The following ZC3H3 variants were observed in gnomAD, a reference collection of about 807,000 sequenced individuals.
The protein encoded by ZC3H3 is zinc finger CCCH-type containing 3, also known as zinc finger CCCH domain-containing protein 3.
In ZC3H3, 36 loss-of-function variants were observed where a neutral mutation model predicts 77.3. That is an observed-to-expected ratio of 0.47 (90% CI 0.36 to 0.61). The LOEUF is 0.61. ZC3H3 is among the 20% of genes least tolerant of loss of function. The pLI is 0.00. For synonymous variants in ZC3H3, 626 were observed against 555.2 expected (o/e 1.13, Z -1.79); for missense variants, 1,331 against 1,312.2 (o/e 1.01, Z -0.22).
In ZC3H3 at chr8:143,440,943, C is replaced by G; in HGVS notation, c.2485G>C (p.Gly829Arg). ...TARSRVSASH[G>R]PRKPSASQRP... ...TGCCCACTGCCCCATCACCTGGGCC[C>G]GTGGCTGGCCGAGACCCTGCTCCTG... The change falls in exon 10 of 12, where the codon GGG becomes CGG. Residue 829 changes from glycine (G) to arginine (R), a missense_variant. This residue lies in a region of ZC3H3 where 249 missense variants were observed against 236.9 expected (regional missense o/e 1.05). Coordinates refer to ENST00000262577, the MANE Select transcript of ZC3H3 (RefSeq NM_015117.3). 2 of 1,428,314 alleles carry G rather than the reference C, an allele frequency of 1.4e-6. No individual in the cohort carries two copies. The highest frequency in any genetic ancestry group is 1.6e-5 in the South Asian group (1 of 62,468). The allele number at this position is 1,428,314 out of a possible 1,614,324, so 88.5% of individuals were successfully genotyped here.
intron 3 of ZC3H3, among the ~76,000 whole-genome samples, chr8:143,529,231 C>T (rs1046264734): frequency 2.0e-5 from 3 of 151,858 alleles, no homozygotes; most frequent in Non-Finnish European, 2.9e-5. Flanking sequence ...ACAGGCTGCG[C>T]TGGTCACCGG....
At chr8:143,503,627 A>C (rs1586932204) in intron 4 of ZC3H3, among the ~76,000 whole-genome samples, 1 of 29,612 alleles carries the variant, frequency 3.4e-5, no homozygotes. Flanking sequence ...CTCCACCACC[A>C]CCTCCTCCAG....
intron 5 of ZC3H3, among the ~76,000 whole-genome samples, chr8:143,472,990 G>A (rs1820618206): frequency 6.6e-6 from 1 of 152,212 alleles, no homozygotes; most frequent in African/African-American, 2.4e-5. Flanking sequence ...CTTCCGCAGA[G>A]CAGGGCAGGG....
chr8:143,517,430 T>G (rs1822094897), intron 3 of ZC3H3, among the ~76,000 whole-genome samples: 2 of 152,130 alleles, frequency 1.3e-5, no homozygotes, highest in Admixed American at 6.5e-5. Context: ...CCGGACCAAG[T>G]TGGGCCTGTA....
chr8:143,492,071 G>A (rs1821220720), intron 4 of ZC3H3, among the ~76,000 whole-genome samples: 1 of 152,208 alleles, frequency 6.6e-6, no homozygotes, highest in Non-Finnish European at 1.5e-5. Context: ...CAGAGAGCCG[G>A]ACACATGCGT....
chr8:143,499,201 C>A (rs1192305369), intron 4 of ZC3H3, among the ~76,000 whole-genome samples: 1 of 152,134 alleles, frequency 6.6e-6, no homozygotes. Flanking sequence ...AGCAGAGGCT[C>A]ACTCCTGGCC....
At chr8:143,536,886 C>G (rs1822817728) in intron 2 of ZC3H3, among the ~76,000 whole-genome samples, 1 of 152,174 alleles carries the variant, frequency 6.6e-6, no homozygotes, top group Non-Finnish European at 1.5e-5. Flanking sequence ...CTCCACGCTC[C>G]CTCTCCACAC....
chr8:143,537,945 C>T, intron 2 of ZC3H3, 58 bp downstream of exon 2: 1 of 1,485,314 alleles, frequency 6.7e-7, no homozygotes, highest in Non-Finnish European at 9.0e-7. Context: ...ATTAGGGGTG[C>T]CAAACAAACC....
rs1308741155 is a variant in ZC3H3 at position 143,493,117 on chromosome 8, C to A, written c.1715+14629G>T. ...CTCCCGTGTCCTGGCCCAGGGGCTC[C>A]CTCCTCAGGCTCCCGTGTCCTGGCC... On this transcript the variant is annotated intron_variant, in intron 4 of 11. Coordinates refer to ENST00000262577, the MANE Select transcript of ZC3H3 (RefSeq NM_015117.3). The surrounding 1 kb of genome is among the most constrained non-coding windows in gnomAD (Gnocchi z 4.8). Among the ~76,000 whole-genome samples, 3 of 75,522 alleles carry A rather than the reference C, an allele frequency of 4.0e-5. No homozygotes were observed. Among genetic ancestry groups the A allele is most frequent in the East Asian group, 4.8e-4 (1 of 2,082 alleles). 49.5% of individuals were successfully genotyped at this position (75,522 alleles called of 152,430 possible). A position where few individuals can be genotyped will look rare whatever the true frequency, so the allele number is the denominator to read the frequency against.
rs143733338 is a variant in ZC3H3 at position 143,463,684 on chromosome 8, G to A, written c.2307+2033C>T. On this transcript the variant is annotated intron_variant, in intron 9 of 11. Coordinates refer to ENST00000262577, the MANE Select transcript of ZC3H3 (RefSeq NM_015117.3). ...GACAAGGATGGAGCGAGCGCCTGAG[G>A]CAAGGGAGGAAAACAGCGCTGCACC... Among the ~76,000 whole-genome samples, 42 of 152,360 alleles carry A rather than the reference G, an allele frequency of 2.8e-4. No homozygotes were observed. The East Asian group carries it at 7.9e-3, about 29-fold the overall frequency.
chr8:143,509,201 C>T (rs1221364895), intron 3 of ZC3H3, among the ~76,000 whole-genome samples: 2 of 152,212 alleles, frequency 1.3e-5, no homozygotes, highest in African/African-American at 4.8e-5. Flanking sequence ...CCCCCAGAGT[C>T]CACATCAGAG....
At chr8:143,491,109 C>G (rs1032037166) in intron 4 of ZC3H3, among the ~76,000 whole-genome samples, 1 of 152,172 alleles carries the variant, frequency 6.6e-6, no homozygotes, top group African/African-American at 2.4e-5. Flanking sequence ...CAGGCACCAA[C>G]TGGCAGACAC....
intron 3 of ZC3H3, among the ~76,000 whole-genome samples, chr8:143,534,038 CT>C (rs992199516): frequency 9.9e-5 from 15 of 151,942 alleles, no homozygotes; most frequent in Non-Finnish European, 8.8e-5. Flanking sequence ...AATCCCAGCA[CT>C]TTAAGAGACT....
chr8:143,480,445 T>C (rs1820877333), intron 4 of ZC3H3, among the ~76,000 whole-genome samples: 1 of 152,200 alleles, frequency 6.6e-6, no homozygotes. Flanking sequence ...CGCCATGTCA[T>C]GTGGGCCGTG....
chr8:143,529,213 TG>T (rs1822519442), intron 3 of ZC3H3, among the ~76,000 whole-genome samples: 1 of 152,116 alleles, frequency 6.6e-6, no homozygotes, highest in African/African-American at 2.4e-5. Context: ...TCCCATGCAC[TG>T]GAATCCACAG....
At chr8:143,510,618 T>A (rs576080795) in intron 3 of ZC3H3, among the ~76,000 whole-genome samples, 1 of 152,296 alleles carries the variant, frequency 6.6e-6, no homozygotes, top group East Asian at 1.9e-4. Context: ...TGTGCAGCGA[T>A]GGCGTGGGCA....
Position 143,507,762 on chromosome 8 carries a change from G to T in ZC3H3, c.1699C>A (p.Arg567=), listed in dbSNP as rs142965748. The T allele has an allele frequency of 2.0e-5, 31 of 1,583,190 alleles. No individual in the cohort carries two copies. The highest frequency in any genetic ancestry group is 2.6e-5 in the Non-Finnish European group (30 of 1,165,932). The change falls in exon 4 of 12, where the codon CGG becomes AGG. Residue 567 remains arginine, a synonymous_variant. Coordinates refer to ENST00000262577, the MANE Select transcript of ZC3H3 (RefSeq NM_015117.3). ...CCTTCCTACCTGGATAGTGAGAGCC[G>T]CCGGGCCCGCCAGGAGGGCAGAGAC... is the stretch of plus-strand genomic sequence containing the variant. The part of the protein sequence containing the change: ...PLSLPSWRAR[R]LSLSRSLVLN...
chr8:143,514,515 C>T (rs1586944858), intron 3 of ZC3H3, among the ~76,000 whole-genome samples: 1 of 152,248 alleles, frequency 6.6e-6, no homozygotes, highest in Non-Finnish European at 1.5e-5. Flanking sequence ...GACATGCACA[C>T]GGTGGGCGGT....
chr8:143,438,785 C>T (rs1819649143), intron 11 of ZC3H3, among the ~76,000 whole-genome samples: 1 of 152,240 alleles, frequency 6.6e-6, no homozygotes, highest in African/African-American at 2.4e-5. Flanking sequence ...CAGGACTGGG[C>T]CTGCCCAGGT....
Sources: allele counts gnomAD v4.1 joint callset (sites outside exome capture counted in the v4.1 genomes callset), GRCh38; gene constraint gnomAD v4.1.1; regional missense constraint gnomAD v4.1.1; non-coding constraint Gnocchi (gnomAD v3.1); transcripts MANE v1.5; gene names NCBI Gene and HGNC (gene_info 2026-07-23, HGNC 2026-07-21).